LRP6: variants seen among roughly 807,000 people sequenced by gnomAD.
LRP6 encodes low-density lipoprotein receptor-related protein 6.
LRP6 carries 43 observed loss-of-function variants against 184.1 expected under a neutral mutation model. The ratio of observed to expected loss-of-function variants is 0.23; its 90% confidence interval spans 0.18 to 0.30. The LOEUF (loss-of-function observed/expected upper bound fraction) is 0.30. Among genes scored for constraint, LRP6 ranks in the 10% least tolerant of loss-of-function variants. LRP6 has a pLI of 1.00. For synonymous variants in LRP6, 719 were observed against 684.9 expected (o/e 1.05, Z -0.78); for missense variants, 1,571 against 2,005.3 (o/e 0.78, Z 4.14).
At chr12:12,153,719 C>T (rs1191202013) in intron 12 of LRP6, among the ~76,000 whole-genome samples, 3 of 152,220 alleles carry the variant, frequency 2.0e-5, no homozygotes, top group African/African-American at 7.2e-5. Flanking sequence ...CCACCTCTCT[C>T]ACATTTCCTT....
At chr12:12,234,801 G>A (rs1168928165) in intron 2 of LRP6, among the ~76,000 whole-genome samples, 5 of 151,834 alleles carry the variant, frequency 3.3e-5, no homozygotes, top group Non-Finnish European at 5.9e-5. Context: ...ACTGCACTCT[G>A]GGCGACAGAG....
Position 12,117,343 on chromosome 12 carries a change from T to C in LRP6, c.*3783A>G, listed in dbSNP as rs140728382. On this transcript the variant is annotated 3_prime_UTR_variant, in exon 23 of 23. Transcript: ENST00000261349. Reference sequence around the variant, plus strand: ...TACTGATAACTGGTCAACACACTCATATCCATACTCTAAATCAACTATGGA... The same window carrying C: ...TACTGATAACTGGTCAACACACTCACATCCATACTCTAAATCAACTATGGA... 4 of 152,332 alleles carry C rather than the reference T, an allele frequency of 2.6e-5. No homozygotes were observed. Among genetic ancestry groups the C allele is most frequent in the African/African-American group, 9.6e-5 (4 of 41,580 alleles). The allele number at this position is 152,332 out of a possible 1,614,324, so 9.4% of individuals were successfully genotyped here.
At position 12,242,925 on chromosome 12, in the gene LRP6, T is replaced by C. The variant is rs75359208; in HGVS notation, c.449+1337A>G. Among the ~76,000 whole-genome samples, 371 of 152,294 alleles carry C rather than the reference T, an allele frequency of 2.4e-3. 1 individual carries two copies. Among genetic ancestry groups the C allele is most frequent in the African/African-American group, 8.1e-3 (337 of 41,560 alleles). ...TGATATCAAGATAAAGAAGCACATA[T>C]AAACCTTTCTTCCATTCTCCCCAAG... On this transcript the variant is annotated intron_variant, in intron 2 of 22. Coordinates refer to ENST00000261349, the MANE Select transcript of LRP6 (RefSeq NM_002336.3).
rs1865141562 is a variant in LRP6, at chr12:12,244,658, A to G, written c.56-3T>C. ...TGCATAAAGCAACAAAGGGGCCGCTAGAACAAAAAAAGAAAAATATGTAAG... is the reference window on the plus strand; with the variant it reads ...TGCATAAAGCAACAAAGGGGCCGCTGGAACAAAAAAAGAAAAATATGTAAG... On this transcript the variant is annotated splice_region_variant and splice_polypyrimidine_tract_variant and intron_variant, in intron 1 of 22. Transcript: ENST00000261349. 1.2e-6 allele frequency: 2 copies of G among 1,613,740 alleles called. No homozygotes were observed. Among genetic ancestry groups the G allele is most frequent in the African/African-American group, 1.3e-5 (1 of 75,034 alleles).
chr12:12,162,458 GTCTAAACCCTA>G (rs1862764352), intron 9 of LRP6, 39 bp from the exon 10 acceptor site: 2 of 1,522,526 alleles, frequency 1.3e-6, no homozygotes, highest in Non-Finnish European at 1.8e-6. Flanking sequence ...TATGGCATAA[GTCTAAACCCTA>G]TCCAGAAAGA....
chr12:12,181,285 A>G lies in LRP6; in HGVS notation c.1131T>C (p.Thr377=). The G allele has an allele frequency of 6.2e-7, 1 of 1,614,204 alleles. No homozygotes were observed. Among genetic ancestry groups the G allele is most frequent in the Non-Finnish European group, 8.5e-7 (1 of 1,180,020 alleles). The part of the protein sequence containing the change: ...YDPVEGYIYW[T]DDEVRAIRRS... Reference sequence around the variant, plus strand: ...GGCGTATGGCCCTCACTTCATCATCAGTCCAGTAGATGTAGCCTTCCACAG... The same window carrying G: ...GGCGTATGGCCCTCACTTCATCATCGGTCCAGTAGATGTAGCCTTCCACAG... Residue 377 remains threonine, a synonymous_variant, in exon 6 of 23, where the codon ACT becomes ACC. Transcript: ENST00000261349.
rs1949529341 is a variant in LRP6, at chr12:12,117,108, C to T, written c.*4018G>A. On this transcript the variant is annotated 3_prime_UTR_variant, in exon 23 of 23. Coordinates refer to ENST00000261349, the MANE Select transcript of LRP6 (RefSeq NM_002336.3). ...AGAAGCCACACATGCACTACAAGTA[C>T]TTTCTAAAATCATCTTTCACTACAA... The T allele has an allele frequency of 6.6e-6, 1 of 152,176 alleles. No homozygotes were observed. The highest frequency in any genetic ancestry group is 1.5e-5 in the Non-Finnish European group (1 of 68,026). 9.4% of individuals were successfully genotyped at this position (152,176 alleles called of 1,614,324 possible).
At chr12:12,177,047 C>A (rs961580470) in intron 7 of LRP6, among the ~76,000 whole-genome samples, 1 of 151,990 alleles carries the variant, frequency 6.6e-6, no homozygotes, top group African/African-American at 2.4e-5. Context: ...AGGGTTTCAC[C>A]ATGTTGGCCA....
chr12:12,261,045 G>A (rs1445228451), intron 1 of LRP6, among the ~76,000 whole-genome samples: 1 of 152,120 alleles, frequency 6.6e-6, no homozygotes, highest in African/African-American at 2.4e-5. Context: ...CTTTCTGACA[G>A]CCAAAGCATA....
intron 17 of LRP6, among the ~76,000 whole-genome samples, chr12:12,133,341 C>T (rs1949784195): frequency 6.6e-6 from 1 of 151,938 alleles, no homozygotes; most frequent in Admixed American, 6.6e-5. Context: ...GGGGTAGATC[C>T]CTCATGCCTT....
chr12:12,131,097 ATTTTTTTTTTTTTTT>A (rs35705276), intron 18 of LRP6, among the ~76,000 whole-genome samples: 1 of 78,150 alleles, frequency 1.3e-5, no homozygotes, highest in Non-Finnish European at 2.5e-5. Context: ...ATTTCCTAAC[ATTTTTTTTTTTTTTT>A]TTTTTTTTTT....
intron 7 of LRP6, among the ~76,000 whole-genome samples, chr12:12,175,911 C>T (rs998389335): frequency 6.6e-6 from 1 of 151,586 alleles, no homozygotes; most frequent in African/African-American, 2.4e-5. Flanking sequence ...CTTAATTTTA[C>T]ACCATGGCAA....
intron 2 of LRP6, among the ~76,000 whole-genome samples, chr12:12,207,520 AAATAAT>A (rs1417072511): frequency 6.6e-6 from 1 of 151,936 alleles, no homozygotes; most frequent in Non-Finnish European, 1.5e-5. Context: ...TCCGTCAAAA[AAATAAT>A]AATAATAATA....
chr12:12,123,835 G>T (rs955772746), intron 22 of LRP6, among the ~76,000 whole-genome samples: 1 of 152,138 alleles, frequency 6.6e-6, no homozygotes, highest in Non-Finnish European at 1.5e-5. Flanking sequence ...AATTGTAATA[G>T]CATATGCAAG....
At chr12:12,143,647 G>A (rs1320340173) in intron 15 of LRP6, among the ~76,000 whole-genome samples, 1 of 152,154 alleles carries the variant, frequency 6.6e-6, no homozygotes. Flanking sequence ...AGTCTTTCCA[G>A]TAAATGATGC....
chr12:12,179,991 T>C lies in LRP6; in HGVS notation c.1374-10A>G, dbSNP rs765676205. On this transcript the variant is annotated splice_polypyrimidine_tract_variant and intron_variant, in intron 6 of 22. Transcript: ENST00000261349. ...AGTCCAATACATGTACCTAGAGAAG[T>C]ATACAAAAAATGAGCTAAAAATAGA... 7 of 1,611,030 alleles carry C rather than the reference T, an allele frequency of 4.3e-6. No homozygotes were observed. The highest frequency in any genetic ancestry group is 2.2e-5 in the East Asian group (1 of 44,848).
chr12:12,195,258 T>C (rs975160609), intron 3 of LRP6, among the ~76,000 whole-genome samples: 1 of 152,106 alleles, frequency 6.6e-6, no homozygotes, highest in African/African-American at 2.4e-5. Flanking sequence ...TATTTGTAAT[T>C]TTTTGAGGAA....
At chr12:12,176,792 C>A (rs1301969613) in intron 7 of LRP6, among the ~76,000 whole-genome samples, 1 of 149,776 alleles carries the variant, frequency 6.7e-6, no homozygotes, top group Non-Finnish European at 1.5e-5. Context: ...AAATAATTAT[C>A]TTTTCTTTCC....
In LRP6 at chr12:12,130,888, A is replaced by C. The variant is rs1435152749; in HGVS notation, c.3976T>G (p.Cys1326Gly). Reference sequence around the variant, plus strand: ...GCACAGCGGAACTGATCAATTAAACAAAGCACTGGAAAAAAAACATAAATA... The same window carrying C: ...GCACAGCGGAACTGATCAATTAAACCAAGCACTGGAAAAAAAACATAAATA... ...KSDEKNCEVL[C>G]LIDQFRCANG... The change falls in exon 19 of 23, where the codon TGT (cysteine) becomes GGT (glycine). Residue 1326 changes from cysteine (C) to glycine (G), a missense_variant. Physicochemically the swap from Cys to Gly is radical, Grantham distance 159 (BLOSUM62 -3). Transcript: ENST00000261349. The C allele has an allele frequency of 1.3e-6, 2 of 1,552,634 alleles. No homozygotes were observed. The highest frequency in any genetic ancestry group is 4.5e-5 in the East Asian group (2 of 44,600).
Sources: gnomAD v4.1 joint callset for allele counts (sites outside exome capture counted in the v4.1 genomes callset) on GRCh38, gnomAD v4.1.1 for gene constraint, MANE v1.5 for transcripts, NCBI Gene and HGNC (gene_info 2026-07-23, HGNC 2026-07-21) for gene names.